The following LRP5 variants were observed in gnomAD, a reference collection of about 807,000 sequenced individuals.
LRP5 encodes the protein low-density lipoprotein receptor-related protein 5.
In LRP5, 62 loss-of-function variants were observed where a neutral mutation model predicts 154.1. The observed-to-expected ratio is 0.40, with a 90% CI of 0.33 to 0.50. The LOEUF (loss-of-function observed/expected upper bound fraction) is 0.50. Ranked by LOEUF, LRP5 falls within the 20% of genes least tolerant of loss-of-function variation. LRP5 has a pLI of 0.55. For missense variants in LRP5, 1,915 were observed against 2,336.7 expected (o/e 0.82, Z 3.72); for synonymous variants, 966 against 1,011.5 (o/e 0.96, Z 0.85).
At chr11:68,329,115 A>T (rs1278778824) in intron 1 of LRP5, among the ~76,000 whole-genome samples, 1 of 152,172 alleles carries the variant, frequency 6.6e-6, no homozygotes, top group Non-Finnish European at 1.5e-5. Flanking sequence ...AGTCGTTTCG[A>T]TACTGGCCTG....
At chr11:68,410,251 C>A in intron 10 of LRP5, 111 bp downstream of exon 10, 1 of 853,156 alleles carries the variant, frequency 1.2e-6, no homozygotes, top group Non-Finnish European at 1.9e-6. Flanking sequence ...GTGATTAGAG[C>A]TGTACTGACG....
intron 4 of LRP5, among the ~76,000 whole-genome samples, chr11:68,364,958 G>A (rs1336776612): frequency 6.6e-6 from 1 of 152,166 alleles, no homozygotes; most frequent in Non-Finnish European, 1.5e-5. Flanking sequence ...ATGAGGTGCT[G>A]GAAGCATTTA....
At chr11:68,426,618 TC>T (rs2098668939) in intron 16 of LRP5, among the ~76,000 whole-genome samples, 1 of 151,990 alleles carries the variant, frequency 6.6e-6, no homozygotes. Context: ...AGACGGGGTT[TC>T]CCCATGTTGC....
chr11:68,313,243 T>C (rs1373848606), intron 1 of LRP5, among the ~76,000 whole-genome samples: 1 of 151,502 alleles, frequency 6.6e-6, no homozygotes, highest in Non-Finnish European at 1.5e-5. Context: ...CCCCGCGTGC[T>C]CCGAGGACGG....
In LRP5 at chr11:68,386,417, C is replaced by G; in HGVS notation, c.1117C>G (p.Arg373Gly). The change falls in exon 6 of 23, where the codon CGG becomes GGG. Residue 373 changes from arginine (R) to glycine (G), a missense_variant. Arg to Gly is a moderately radical substitution (Grantham distance 125). Coordinates refer to ENST00000294304, the MANE Select transcript of LRP5 (RefSeq NM_002335.4). The surrounding 1 kb of genome is among the most constrained non-coding windows in gnomAD (Gnocchi z 7.9). ...CATCGTGCTGCAGGTGGACGACATC[C>G]GGCACGCCATTGCCATCGACTACGA... ...TDIVLQVDDI[R>G]HAIAIDYDPL... The G allele has an allele frequency of 1.9e-6, 3 of 1,614,042 alleles. No individual in the cohort carries two copies. The highest frequency in any genetic ancestry group is 2.5e-6 in the Non-Finnish European group (3 of 1,180,032).
intron 21 of LRP5, among the ~76,000 whole-genome samples, chr11:68,441,312 G>C (rs899894089): frequency 6.7e-6 from 1 of 149,006 alleles, no homozygotes. Context: ...TCCTGGACTC[G>C]AGCGATCCTC....
chr11:68,304,169 T>C, the LRP5 span, among the ~76,000 whole-genome samples: 3 of 152,238 alleles, frequency 2.0e-5, no homozygotes, highest in Non-Finnish European at 4.4e-5. Flanking sequence ...GGTTTCATTG[T>C]CCAGGCACAG....
rs2098675301 is a variant in LRP5 at position 68,436,898 on chromosome 11, T to C, written c.4010T>C (p.Leu1337Pro). 2 of 1,613,542 alleles carry C rather than the reference T, an allele frequency of 1.2e-6. No homozygotes were observed. Among genetic ancestry groups the C allele is most frequent in the Non-Finnish European group, 1.7e-6 (2 of 1,179,874 alleles). ...TGGCCTCTCCTTGCAGCCATCTGCC[T>C]GCCCAACCAGTTCCGGTGTGCGAGC... The part of the protein sequence containing the change: ...SDEADCDAIC[L>P]PNQFRCASGQ... The change falls in exon 19 of 23, where the codon CTG (leucine) becomes CCG (proline). Residue 1337 changes from leucine (L) to proline (P), a missense_variant. Leu to Pro is a moderately conservative substitution (Grantham distance 98). Transcript: ENST00000294304.
At chr11:68,425,380 C>G (rs997872134) in intron 15 of LRP5, 88 bp downstream of exon 15, 1 of 1,389,688 alleles carries the variant, frequency 7.2e-7, no homozygotes, top group Non-Finnish European at 9.9e-7. Context: ...CGAGACCTGC[C>G]GTGAGCCCAG....
chr11:68,355,816 G>GCAGT (rs1263790732), intron 2 of LRP5, among the ~76,000 whole-genome samples: 10 of 152,036 alleles, frequency 6.6e-5, no homozygotes, highest in African/African-American at 2.4e-4. Context: ...GCAGCTGCAG[G>GCAGT]TTCAGGGTCC....
At chr11:68,349,064 C>T (rs1591206584) in intron 2 of LRP5, among the ~76,000 whole-genome samples, 1 of 142,538 alleles carries the variant, frequency 7.0e-6, no homozygotes, top group East Asian at 2.0e-4. Flanking sequence ...GATGGAGTCT[C>T]CCTTGTTGCC....
At chr11:68,397,887 A>G (rs1043436425) in intron 7 of LRP5, among the ~76,000 whole-genome samples, 1 of 151,456 alleles carries the variant, frequency 6.6e-6, no homozygotes, top group African/African-American at 2.4e-5. Flanking sequence ...GAGTGATGGG[A>G]CAGGGTCTGT....
chr11:68,365,484 C>T lies in LRP5; in HGVS notation c.884-87C>T, dbSNP rs532547318. 276 of 1,598,938 alleles carry T rather than the reference C, an allele frequency of 1.7e-4. 4 individuals are homozygous for T. The South Asian group carries it at 2.7e-3, about 16-fold the overall frequency. ...CAGAGGGACACACTGGAGGCTGTCACGGGGGACGAGGCAGGATGTGACTCA... is the reference window on the plus strand; with the variant it reads ...CAGAGGGACACACTGGAGGCTGTCATGGGGGACGAGGCAGGATGTGACTCA... On this transcript the variant is annotated intron_variant, in intron 4 of 22. Transcript: ENST00000294304.
chr11:68,405,328 C>T (rs2098654998), intron 8 of LRP5, among the ~76,000 whole-genome samples: 1 of 151,572 alleles, frequency 6.6e-6, no homozygotes, highest in South Asian at 2.1e-4. Flanking sequence ...AAAATTAGCC[C>T]GGCATGGTGG....
intron 5 of LRP5, among the ~76,000 whole-genome samples, chr11:68,372,256 C>T (rs1246964373): frequency 6.9e-6 from 1 of 144,114 alleles, no homozygotes; most frequent in East Asian, 2.1e-4. Context: ...AGACCCGGGA[C>T]CGTGGTGATG....
chr11:68,354,468 C>A (rs1049251025), intron 2 of LRP5, among the ~76,000 whole-genome samples: 3 of 152,346 alleles, frequency 2.0e-5, no homozygotes, highest in East Asian at 1.9e-4. Flanking sequence ...TGGATTCCCC[C>A]CCAAGTCCAG....
Position 68,386,377 on chromosome 11 carries a change from G to A in LRP5, c.1077G>A (p.Thr359=), listed in dbSNP as rs200179967. The A allele has an allele frequency of 5.3e-4, 851 of 1,613,620 alleles. 16 individuals are homozygous for A. The South Asian group carries it at 8.2e-3, about 15-fold the overall frequency. Residue 359 remains threonine, a synonymous_variant, in exon 6 of 23, where the codon ACG becomes ACA. Coordinates refer to ENST00000294304, the MANE Select transcript of LRP5 (RefSeq NM_002335.4). The surrounding 1 kb of genome is among the most constrained non-coding windows in gnomAD (Gnocchi z 7.9). ...ACCTACGGAGGATCTCGCTGGACACGCCGGACTTCACCGACATCGTGCTGC... is the reference window on the plus strand; with the variant it reads ...ACCTACGGAGGATCTCGCTGGACACACCGGACTTCACCGACATCGTGCTGC... The part of the protein sequence containing the change: ...RTDLRRISLD[T]PDFTDIVLQV...
At chr11:68,303,362 G>A in the LRP5 span, among the ~76,000 whole-genome samples, 1 of 152,176 alleles carries the variant, frequency 6.6e-6, no homozygotes, top group Non-Finnish European at 1.5e-5. Context: ...TTGGGAACTG[G>A]AGCAAAGGTC....
At chr11:68,357,588 T>C in intron 2 of LRP5, 62 bp from the exon 3 acceptor site, 3 of 1,472,458 alleles carry the variant, frequency 2.0e-6, no homozygotes, top group Middle Eastern at 1.7e-4. Flanking sequence ...TCTGCATCTA[T>C]GCAGACAAAA....
Sources: allele counts gnomAD v4.1 joint callset (sites outside exome capture counted in the v4.1 genomes callset), GRCh38; gene constraint gnomAD v4.1.1; non-coding constraint Gnocchi (gnomAD v3.1); transcripts MANE v1.5; gene names NCBI Gene and HGNC (gene_info 2026-07-23, HGNC 2026-07-21).